AIG1: variants seen among roughly 807,000 people sequenced by gnomAD.
AIG1 encodes androgen-induced gene 1 protein.
AIG1 carries 23 observed loss-of-function variants against 31.4 expected under a neutral mutation model. That is an observed-to-expected ratio of 0.73 (90% confidence interval 0.53 to 1.04). AIG1 has a LOEUF of 1.04. AIG1 is among the 50% of genes least tolerant of loss of function. The pLI is 0.00. For missense variants in AIG1, 274 were observed against 295.0 expected (o/e 0.93, Z 0.52); for synonymous variants, 100 against 110.5 (o/e 0.90, Z 0.60).
intron 1 of AIG1, among the ~76,000 whole-genome samples, chr6:143,118,868 C>CT (rs1272273294): frequency 0.014 from 1,886 of 135,038 alleles, 17 homozygotes; most frequent in African/African-American, 0.02. Flanking sequence ...AAAGAATTTT[C>CT]TTTTTTTTTT....
At chr6:143,142,314 T>C (rs1041990709) in intron 2 of AIG1, among the ~76,000 whole-genome samples, 4 of 152,190 alleles carry the variant, frequency 2.6e-5, no homozygotes. Flanking sequence ...CCTCAAATGA[T>C]TCTCCTGCCT....
chr6:143,161,545 G>GTA (rs1172639169), intron 2 of AIG1, among the ~76,000 whole-genome samples: 2 of 149,946 alleles, frequency 1.3e-5, no homozygotes, highest in East Asian at 3.9e-4. Flanking sequence ...ATATATGTGT[G>GTA]TATATATATG....
At chr6:143,088,705 C>T (rs1042526623) in intron 1 of AIG1, among the ~76,000 whole-genome samples, 3 of 152,108 alleles carry the variant, frequency 2.0e-5, no homozygotes, top group Admixed American at 6.6e-5. Flanking sequence ...TTGATTAAAC[C>T]TATCAGAAGT....
At chr6:143,319,673 G>GTT (rs140600590) in intron 4 of AIG1, among the ~76,000 whole-genome samples, 1,789 of 150,878 alleles carry the variant, frequency 0.012, 32 homozygotes, top group African/African-American at 0.039. Context: ...TAAGAGTTGG[G>GTT]TTTTTTTTTG....
downstream of AIG1, among the ~76,000 whole-genome samples, chr6:143,341,907 T>G (rs1230908590): frequency 6.6e-6 from 1 of 152,170 alleles, no homozygotes; most frequent in Non-Finnish European, 1.5e-5. Flanking sequence ...CCCTGGGATA[T>G]CGAATGAAGG....
In AIG1 at chr6:143,326,115, C is replaced by T. The variant is rs936146277; in HGVS notation, c.516-7167C>T. ...CCAATGCTATTGTTCCTCTCCTAGC[C>T]ACTACCATTTCTGATACAATTGGTT... On this transcript the variant is annotated intron_variant, in intron 4 of 5. Coordinates refer to ENST00000357847, the MANE Select transcript of AIG1 (RefSeq NM_016108.4). This position sits in a 1 kb window ranked among gnomAD's most constrained non-coding sequence, Gnocchi z 4.5. Among the ~76,000 whole-genome samples the T allele has an allele frequency of 7.2e-5, 11 of 152,202 alleles. No homozygotes were observed. Among genetic ancestry groups the T allele is most frequent in the African/African-American group, 2.2e-4 (9 of 41,452 alleles).
At chr6:143,260,058 CT>C (rs1795645955) in intron 3 of AIG1, among the ~76,000 whole-genome samples, 1 of 126,580 alleles carries the variant, frequency 7.9e-6, no homozygotes, top group East Asian at 2.6e-4. Context: ...GAGTCTCACT[CT>C]GTCACCCAGG....
chr6:143,115,650 A>G (rs1781671653), intron 1 of AIG1, among the ~76,000 whole-genome samples: 1 of 152,248 alleles, frequency 6.6e-6, no homozygotes, highest in Admixed American at 6.5e-5. Flanking sequence ...TCATACGTAT[A>G]CTATAGGACT....
intron 4 of AIG1, among the ~76,000 whole-genome samples, chr6:143,308,171 T>A (rs1440683513): frequency 6.6e-6 from 1 of 152,250 alleles, no homozygotes; most frequent in Non-Finnish European, 1.5e-5. Context: ...AGTGAGGCAA[T>A]GCCTCGCCCT....
chr6:143,206,083 C>T (rs1791086396), intron 3 of AIG1, among the ~76,000 whole-genome samples: 1 of 152,200 alleles, frequency 6.6e-6, no homozygotes, highest in Non-Finnish European at 1.5e-5. Context: ...TAAGTTTCCA[C>T]TTGCTCCAGT....
chr6:143,067,176 TA>T (rs796111505), intron 1 of AIG1, among the ~76,000 whole-genome samples: 23 of 148,266 alleles, frequency 1.6e-4, no homozygotes, highest in Admixed American at 2.7e-4. Context: ...TAAATAAAAA[TA>T]AAAAAAAAAC....
At chr6:143,318,702 C>T (rs566367355) in intron 4 of AIG1, among the ~76,000 whole-genome samples, 16 of 151,552 alleles carry the variant, frequency 1.1e-4, no homozygotes, top group South Asian at 2.1e-4. Flanking sequence ...ACCCACAGAG[C>T]GGGAGAAAAT....
intron 1 of AIG1, among the ~76,000 whole-genome samples, chr6:143,087,220 CT>C (rs1182459078): frequency 8.5e-5 from 13 of 152,120 alleles, no homozygotes; most frequent in Non-Finnish European, 1.8e-4. Flanking sequence ...ACCGGCGGGT[CT>C]TTGTTCTTAG....
In AIG1 at chr6:143,165,198, A is replaced by G; in HGVS notation, c.399+15A>G. On this transcript the variant is annotated intron_variant, in intron 3 of 5. Coordinates refer to ENST00000357847, the MANE Select transcript of AIG1 (RefSeq NM_016108.4). ...ATCACGGAATGGTGAGTGGATTAAAACAAACGGCTTTCTTTTATTTTAAAA... is the reference window on the plus strand; with the variant it reads ...ATCACGGAATGGTGAGTGGATTAAAGCAAACGGCTTTCTTTTATTTTAAAA... 6.3e-7 allele frequency: 1 copy of G among 1,575,700 alleles called. No homozygotes were observed. The highest frequency in any genetic ancestry group is 8.7e-7 in the Non-Finnish European group (1 of 1,146,248).
chr6:143,255,686 A>C (rs1795330598), intron 3 of AIG1, among the ~76,000 whole-genome samples: 1 of 152,184 alleles, frequency 6.6e-6, no homozygotes. Context: ...ATATTTTCTG[A>C]AAATGTGTAT....
rs1378564966 is a variant in AIG1 at position 143,256,853 on chromosome 6, A to G, written c.400-27257A>G. Among the ~76,000 whole-genome samples the G allele has an allele frequency of 1.3e-5, 2 of 152,240 alleles. No homozygotes were observed. Among genetic ancestry groups the G allele is most frequent in the African/African-American group, 4.8e-5 (2 of 41,474 alleles). On this transcript the variant is annotated intron_variant, in intron 3 of 5. Transcript: ENST00000357847. This position sits in a 1 kb window ranked among gnomAD's most constrained non-coding sequence, Gnocchi z 4.6. ...GATACTTATTTTCTCTGACTCTTGT[A>G]AAAATGTCAGTAGGGTAAAAATGTC...
intron 3 of AIG1, among the ~76,000 whole-genome samples, chr6:143,182,559 A>G (rs760236783): frequency 2.6e-5 from 4 of 152,094 alleles, no homozygotes; most frequent in Non-Finnish European, 4.4e-5. Context: ...CCAATTAGGA[A>G]CTGCAGCTAA....
intron 3 of AIG1, among the ~76,000 whole-genome samples, chr6:143,199,395 G>A (rs1188285643): frequency 2.0e-5 from 3 of 152,038 alleles, no homozygotes; most frequent in Non-Finnish European, 2.9e-5. Flanking sequence ...AAATTAAATC[G>A]GGAAAAATGT....
intron 1 of AIG1, among the ~76,000 whole-genome samples, chr6:143,130,118 A>G (rs1014727123): frequency 1.3e-5 from 2 of 151,790 alleles, no homozygotes; most frequent in African/African-American, 4.8e-5. Flanking sequence ...TTTAATAGAG[A>G]TGGGGGTTCA....
Sources: allele counts gnomAD v4.1 joint callset (sites outside exome capture counted in the v4.1 genomes callset), GRCh38; gene constraint gnomAD v4.1.1; non-coding constraint Gnocchi (gnomAD v3.1); transcripts MANE v1.5; gene names NCBI Gene and HGNC (gene_info 2026-07-23, HGNC 2026-07-21).